ADGRD1: variants seen among roughly 807,000 people sequenced by gnomAD.
The protein encoded by ADGRD1 is adhesion G protein-coupled receptor D1.
In ADGRD1, 77 loss-of-function variants were observed where a neutral mutation model predicts 113.4. The observed-to-expected ratio is 0.68, with a 90% CI of 0.57 to 0.82. The LOEUF (loss-of-function observed/expected upper bound fraction) is 0.82, where lower values mean the gene tolerates loss of function less well. Ranked by LOEUF, ADGRD1 falls within the 40% of genes least tolerant of loss-of-function variation. ADGRD1 has a pLI of 0.00. For synonymous variants in ADGRD1, 474 were observed against 475.0 expected (o/e 1.00, Z 0.03); for missense variants, 1,036 against 1,139.1 (o/e 0.91, Z 1.30).
At position 130,971,359 on chromosome 12, in the gene ADGRD1, C is replaced by A; in HGVS notation, c.188-99C>A. The A allele has an allele frequency of 1.4e-6, 1 of 699,304 alleles. No homozygotes were observed. Among genetic ancestry groups the A allele is most frequent in the Non-Finnish European group, 2.3e-6 (1 of 432,264 alleles). 43.3% of individuals were successfully genotyped at this position (699,304 alleles called of 1,614,324 possible). On this transcript the variant is annotated intron_variant, in intron 3 of 24. Coordinates refer to ENST00000261654, the MANE Select transcript of ADGRD1 (RefSeq NM_198827.5). This position sits in a 1 kb window ranked among gnomAD's most constrained non-coding sequence, Gnocchi z 4.2. ...ATATATACTTAGATAAATAATAATG[C>A]ATACTTACACATAAGTTATTTGTAG...
At position 130,987,451 on chromosome 12, in the gene ADGRD1, C is replaced by A. The variant is rs529510582; in HGVS notation, c.745+102C>A. The A allele has an allele frequency of 8.9e-6, 12 of 1,352,336 alleles. No homozygotes were observed. In the African/African-American group the frequency reaches 1.6e-4, roughly 18 times the overall value. 83.8% of individuals were successfully genotyped at this position (1,352,336 alleles called of 1,614,324 possible). A position where few individuals can be genotyped will look rare whatever the true frequency, so the allele number is the denominator to read the frequency against. ...CACTCTCCCGTTGCAGCTATCAGCA[C>A]TGCAGGCGTGAGATGTGTCCTAATG... is the stretch of plus-strand genomic sequence containing the variant. On this transcript the variant is annotated intron_variant, in intron 6 of 24. Coordinates refer to ENST00000261654, the MANE Select transcript of ADGRD1 (RefSeq NM_198827.5).
intron 19 of ADGRD1, among the ~76,000 whole-genome samples, chr12:131,119,757 C>G (rs1950547868): frequency 6.6e-6 from 1 of 152,260 alleles, no homozygotes; most frequent in Non-Finnish European, 1.5e-5. Flanking sequence ...ACCATTCAGA[C>G]TTGCAGTGCA....
intron 14 of ADGRD1, among the ~76,000 whole-genome samples, chr12:131,082,137 T>C (rs544982859): frequency 6.6e-6 from 1 of 152,318 alleles, no homozygotes; most frequent in East Asian, 1.9e-4. Flanking sequence ...TGTTGCTTAA[T>C]TCAATGTGTC....
At position 131,003,383 on chromosome 12, in the gene ADGRD1, C is replaced by A; in HGVS notation, c.1144+81C>A. ...GTTTCACTGCCTGTCTTTTTACACC[C>A]TTAGCAGAGAGCCATGCTCTGTCTC... On this transcript the variant is annotated intron_variant, in intron 10 of 24. Coordinates refer to ENST00000261654, the MANE Select transcript of ADGRD1 (RefSeq NM_198827.5). The surrounding 1 kb of genome is among the most constrained non-coding windows in gnomAD (Gnocchi z 4.8). The A allele has an allele frequency of 2.1e-6, 2 of 953,228 alleles. No individual in the cohort carries two copies. Among genetic ancestry groups the A allele is most frequent in the Non-Finnish European group, 3.4e-6 (2 of 592,030 alleles). 59.0% of individuals were successfully genotyped at this position (953,228 alleles called of 1,614,324 possible). A position where few individuals can be genotyped will look rare whatever the true frequency, so the allele number is the denominator to read the frequency against.
rs1258441162 is a variant in ADGRD1, at chr12:131,084,848, T to C, written c.1671+185T>C. 1.3e-5 allele frequency among the ~76,000 whole-genome samples: 2 copies of C among 152,176 alleles called. No individual in the cohort carries two copies. The highest frequency in any genetic ancestry group is 2.9e-5 in the Non-Finnish European group (2 of 68,022). On this transcript the variant is annotated intron_variant, in intron 15 of 24. Transcript: ENST00000261654. This position sits in a 1 kb window ranked among gnomAD's most constrained non-coding sequence, Gnocchi z 4.5. ...AGTCCAGGGTCCTGCATGTATTGGG[T>C]GCCAGCAAATATCCGAGGAGCCCAT...
At position 131,087,703 on chromosome 12, in the gene ADGRD1, C is replaced by T. The variant is rs557374829; in HGVS notation, c.1671+3040C>T. On this transcript the variant is annotated intron_variant, in intron 15 of 24. Coordinates refer to ENST00000261654, the MANE Select transcript of ADGRD1 (RefSeq NM_198827.5). ...TCCCCTAGAGCAGCTGCCCCGCCAG[C>T]GACTGCCCCTTCCCAGTCCCCACGC... 1.8e-3 allele frequency among the ~76,000 whole-genome samples: 244 copies of T among 136,698 alleles called. 1 individual carries two copies. The highest frequency in any genetic ancestry group is 2.8e-3 in the Admixed American group (35 of 12,498). The allele number at this position is 136,698 out of a possible 152,430, so 89.7% of individuals were successfully genotyped here.
chr12:131,021,448 G>A (rs1211974321), intron 13 of ADGRD1, among the ~76,000 whole-genome samples: 1 of 152,148 alleles, frequency 6.6e-6, no homozygotes, highest in Admixed American at 6.5e-5. Context: ...CTCCTGATTA[G>A]GCCGATGCTG....
At chr12:131,128,479 G>A (rs1950802352) in intron 20 of ADGRD1, among the ~76,000 whole-genome samples, 1 of 152,284 alleles carries the variant, frequency 6.6e-6, no homozygotes, top group Middle Eastern at 3.4e-3. Flanking sequence ...TCATTCACAG[G>A]AAATGGGTTT....
intron 13 of ADGRD1, among the ~76,000 whole-genome samples, chr12:131,031,813 A>G (rs1244550922): frequency 2.6e-5 from 4 of 152,130 alleles, no homozygotes; most frequent in Non-Finnish European, 4.4e-5. Context: ...TCTGCATACC[A>G]AACATCCGGG....
chr12:131,065,374 C>T (rs903108093), intron 13 of ADGRD1, among the ~76,000 whole-genome samples: 6 of 152,212 alleles, frequency 3.9e-5, no homozygotes, highest in Non-Finnish European at 8.8e-5. Flanking sequence ...TGAGAACGCT[C>T]GGGCCCTGCT....
chr12:131,136,282 C>T, intron 22 of ADGRD1, 119 bp downstream of exon 22: 1 of 1,243,890 alleles, frequency 8.0e-7, no homozygotes, highest in Non-Finnish European at 1.1e-6. Context: ...ACCTTAGGAG[C>T]CTGTAATGCG....
intron 18 of ADGRD1, among the ~76,000 whole-genome samples, chr12:131,112,549 C>T (rs1950369830): frequency 6.6e-6 from 1 of 152,228 alleles, no homozygotes; most frequent in East Asian, 1.9e-4. Context: ...CCACCAGCTT[C>T]CTCTTCGTTC....
intron 2 of ADGRD1, among the ~76,000 whole-genome samples, chr12:130,959,194 T>G (rs1870060815): frequency 6.6e-6 from 1 of 152,220 alleles, no homozygotes; most frequent in South Asian, 2.1e-4. Flanking sequence ...TAGTATTTTG[T>G]TAAAGGTTCT....
At chr12:131,029,893 ACCCCTCGTT>A (rs1880458910) in intron 13 of ADGRD1, among the ~76,000 whole-genome samples, 3 of 100,172 alleles carry the variant, frequency 3.0e-5, no homozygotes, top group Non-Finnish European at 4.0e-5. Flanking sequence ...TAGGTTGTGG[ACCCCTCGTT>A]CGGTGACATT....
chr12:131,120,819 G>T lies in ADGRD1; in HGVS notation c.2109-28G>T, dbSNP rs1319522737. 6.8e-6 allele frequency: 11 copies of T among 1,613,568 alleles called. No homozygotes were observed. In the East Asian group the frequency reaches 2.2e-4, roughly 33 times the overall value. On this transcript the variant is annotated intron_variant, in intron 19 of 24. Transcript: ENST00000261654. ...CGCTGGCAGGTGGAACGAGGTTGTT[G>T]AAGTAACGGCTCTGCTTCCCTCCGC...
chr12:131,088,883 A>C (rs1886698926), intron 15 of ADGRD1, among the ~76,000 whole-genome samples: 2 of 152,172 alleles, frequency 1.3e-5, no homozygotes, highest in South Asian at 4.1e-4. Flanking sequence ...CATATGTGAG[A>C]GGTCATCTGT....
chr12:131,028,335 G>A (rs955548613), intron 13 of ADGRD1, among the ~76,000 whole-genome samples: 4 of 152,118 alleles, frequency 2.6e-5, no homozygotes, highest in African/African-American at 9.7e-5. Context: ...GAGTTTTTGT[G>A]TATTTTGAGT....
intron 8 of ADGRD1, among the ~76,000 whole-genome samples, chr12:130,995,510 A>G (rs1875135371): frequency 6.6e-6 from 1 of 152,196 alleles, no homozygotes; most frequent in African/African-American, 2.4e-5. Flanking sequence ...CAGGGGCCAA[A>G]GGAAATGGAT....
chr12:131,036,194 C>T (rs138084860), intron 13 of ADGRD1, among the ~76,000 whole-genome samples: 224 of 152,212 alleles, frequency 1.5e-3, no homozygotes, highest in Middle Eastern at 3.4e-3. Context: ...GTCTCATTCA[C>T]GGGAGGCGGG....
Sources: allele counts gnomAD v4.1 joint callset (sites outside exome capture counted in the v4.1 genomes callset), GRCh38; gene constraint gnomAD v4.1.1; non-coding constraint Gnocchi (gnomAD v3.1); transcripts MANE v1.5; gene names NCBI Gene and HGNC (gene_info 2026-07-23, HGNC 2026-07-21).